Variants in GRIK3 observed in about 807,000 individuals in gnomAD.
The protein encoded by GRIK3 is glutamate receptor ionotropic, kainate 3.
A neutral mutation model predicts 102.5 loss-of-function variants in GRIK3; 29 were observed. The observed-to-expected ratio is 0.28, with a 90% CI of 0.21 to 0.39. The LOEUF is 0.39. Among genes scored for constraint, GRIK3 ranks in the 10% least tolerant of loss-of-function variants. GRIK3 has a pLI of 1.00. For missense variants in GRIK3, 908 were observed against 1,252.4 expected, an observed-to-expected ratio of 0.73 and a Z score of 4.15; for synonymous variants, 511 against 504.9, an observed-to-expected ratio of 1.01 and a Z score of -0.16.
At chr1:36,944,232 T>C (rs1323791897) in intron 1 of GRIK3, among the ~76,000 whole-genome samples, 1 of 152,168 alleles carries the variant, frequency 6.6e-6, no homozygotes, top group Non-Finnish European at 1.5e-5. Context: ...AGAACAACTT[T>C]CCCAGGGCTT....
intron 1 of GRIK3, among the ~76,000 whole-genome samples, chr1:36,930,893 G>A (rs1018644530): frequency 3.3e-5 from 5 of 152,210 alleles, no homozygotes; most frequent in South Asian, 4.1e-4. Context: ...CTCAGCCAAC[G>A]AAACAGGCAG....
intron 1 of GRIK3, among the ~76,000 whole-genome samples, chr1:36,902,467 C>T (rs1641242039): frequency 1.3e-5 from 2 of 152,116 alleles, no homozygotes; most frequent in South Asian, 4.1e-4. Context: ...GGAGCAAAGG[C>T]AATACGGTGG....
chr1:36,949,634 G>C (rs983789114), intron 1 of GRIK3, among the ~76,000 whole-genome samples: 4 of 122,340 alleles, frequency 3.3e-5, no homozygotes, highest in Admixed American at 1.1e-4. Context: ...GAGTGCAATA[G>C]TGCAACCTTG....
At chr1:37,019,719 A>G (rs1642691365) in intron 1 of GRIK3, among the ~76,000 whole-genome samples, 1 of 152,188 alleles carries the variant, frequency 6.6e-6, no homozygotes, top group South Asian at 2.1e-4. Context: ...CCATGTGAAA[A>G]AGACAGGAAA....
intron 1 of GRIK3, among the ~76,000 whole-genome samples, chr1:36,932,562 CATTTCCA>C (rs1221723507): frequency 6.6e-6 from 1 of 152,220 alleles, no homozygotes; most frequent in African/African-American, 2.4e-5. Flanking sequence ...CAGGGCCTTC[CATTTCCA>C]ATGAAGGGTC....
At chr1:36,940,239 C>T (rs112869208) in intron 1 of GRIK3, among the ~76,000 whole-genome samples, 3 of 152,342 alleles carry the variant, frequency 2.0e-5, no homozygotes, top group African/African-American at 7.2e-5. Flanking sequence ...CTGGTACAAC[C>T]CAACTGTGTC....
At chr1:36,898,549 T>C (rs1212418997) in intron 1 of GRIK3, among the ~76,000 whole-genome samples, 1 of 152,164 alleles carries the variant, frequency 6.6e-6, no homozygotes, top group African/African-American at 2.4e-5. Context: ...TCAATAAATG[T>C]AAATACATCC....
chr1:36,983,534 G>A (rs1642271606), intron 1 of GRIK3, among the ~76,000 whole-genome samples: 1 of 152,020 alleles, frequency 6.6e-6, no homozygotes, highest in Non-Finnish European at 1.5e-5. Flanking sequence ...AGGAGGTAGG[G>A]GCCATCATCA....
chr1:36,805,216 A>G lies in GRIK3; in HGVS notation c.2336T>C (p.Ile779Thr). The change falls in exon 15 of 16, where the codon ATC becomes ACC. Residue 779 changes from isoleucine (I) to threonine (T), a missense_variant. This residue lies in a region of GRIK3 where 297 missense variants were observed against 362.7 expected (regional missense o/e 0.82). Transcript: ENST00000373091. Reference protein sequence around the residue: ...TPMGSPYRDKITIAILQLQEE... With the variant: ...TPMGSPYRDKTTIAILQLQEE... ...CTGAAGCTGCAGGATGGCGATGGTG[A>G]TCTTGTCCCGGTATGGGGAGCCTGA... 1 of 1,612,666 alleles carries G rather than the reference A, an allele frequency of 6.2e-7. No homozygotes were observed.
intron 1 of GRIK3, among the ~76,000 whole-genome samples, chr1:36,967,458 G>A (rs901920151): frequency 6.6e-6 from 1 of 152,258 alleles, no homozygotes; most frequent in African/African-American, 2.4e-5. Context: ...CATGGGAAAT[G>A]AGGGAGCAAG....
chr1:36,961,588 C>A (rs1272118094), intron 1 of GRIK3, among the ~76,000 whole-genome samples: 3 of 152,230 alleles, frequency 2.0e-5, no homozygotes, highest in Non-Finnish European at 4.4e-5. Flanking sequence ...ACAGGCCAGG[C>A]TTGCTGTGGG....
intron 4 of GRIK3, among the ~76,000 whole-genome samples, chr1:36,871,037 G>A (rs929712664): frequency 6.6e-6 from 1 of 152,118 alleles, no homozygotes; most frequent in African/African-American, 2.4e-5. Flanking sequence ...GATGCCCAAC[G>A]CTGGGTGTCA....
At chr1:37,032,133 G>A (rs1477679824) in intron 1 of GRIK3, among the ~76,000 whole-genome samples, 2 of 152,168 alleles carry the variant, frequency 1.3e-5, no homozygotes, top group African/African-American at 2.4e-5. Context: ...AAGAAAGGGC[G>A]GGCAGGCTTG....
At chr1:36,813,624 C>T (rs1257093244) in intron 13 of GRIK3, among the ~76,000 whole-genome samples, 1 of 152,150 alleles carries the variant, frequency 6.6e-6, no homozygotes, top group Non-Finnish European at 1.5e-5. Context: ...CTCTAACCTG[C>T]AAACATTCTG....
chr1:36,951,627 C>G (rs891608894), intron 1 of GRIK3, among the ~76,000 whole-genome samples: 1 of 152,330 alleles, frequency 6.6e-6, no homozygotes, highest in Admixed American at 6.5e-5. Context: ...TCTAGGTGAC[C>G]AGGTACTTGA....
intron 1 of GRIK3, among the ~76,000 whole-genome samples, chr1:36,921,902 T>C (rs1641477642): frequency 6.6e-6 from 1 of 152,146 alleles, no homozygotes. Flanking sequence ...TGGGGTCCAG[T>C]GGCTCCTTCC....
At chr1:36,884,867 C>T (rs908466395) in intron 2 of GRIK3, among the ~76,000 whole-genome samples, 1 of 152,214 alleles carries the variant, frequency 6.6e-6, no homozygotes. Flanking sequence ...CCTGCCACTG[C>T]TACCATTACA....
intron 1 of GRIK3, among the ~76,000 whole-genome samples, chr1:36,932,621 C>G (rs896976590): frequency 2.6e-5 from 4 of 152,234 alleles, no homozygotes; most frequent in African/African-American, 9.6e-5. Context: ...GGCACATCTT[C>G]TATTAAGAAG....
intron 1 of GRIK3, among the ~76,000 whole-genome samples, chr1:37,025,970 C>T (rs547214012): frequency 1.3e-5 from 2 of 152,306 alleles, no homozygotes; most frequent in East Asian, 3.9e-4. Context: ...CTCCTCCCTG[C>T]CTTTTGCCTC....
Sources: gnomAD v4.1 joint callset for allele counts (sites outside exome capture counted in the v4.1 genomes callset) on GRCh38, gnomAD v4.1.1 for gene constraint, gnomAD v4.1.1 regional missense constraint, MANE v1.5 for transcripts, NCBI Gene and HGNC (gene_info 2026-07-23, HGNC 2026-07-21) for gene names.